Variants in PYGL observed in about 807,000 individuals in gnomAD.
PYGL encodes the protein glycogen phosphorylase, liver form.
Under a neutral mutation model 100.1 loss-of-function variants are expected in PYGL, and 90 were observed. The observed-to-expected ratio is 0.90, with a 90% CI of 0.76 to 1.07. The LOEUF (loss-of-function observed/expected upper bound fraction) is 1.07, where lower values mean the gene tolerates loss of function less well. Ranked by LOEUF, PYGL falls within the 50% of genes least tolerant of loss-of-function variation. The probability of loss-of-function intolerance (pLI) is 0.00; values close to 1 mark genes in which losing one functional copy is unlikely to be tolerated. For missense variants in PYGL, 1,016 were observed against 1,057.6 expected (o/e 0.96, Z 0.55); for synonymous variants, 373 against 393.0 (o/e 0.95, Z 0.60).
At chr14:50,908,784 A>G (rs758874987) in intron 18 of PYGL, 37 bp downstream of exon 18, 3 of 1,533,862 alleles carry the variant, frequency 2.0e-6, no homozygotes, top group African/African-American at 1.4e-5. Flanking sequence ...TCCCCCTTTC[A>G]TGATCCAAAT....
Position 50,915,419 on chromosome 14 carries a change from G to C in PYGL, c.1320C>G (p.Ile440Met). Residue 440 changes from isoleucine to methionine, a missense_variant, in exon 11 of 20, where the codon ATC becomes ATG. Transcript: ENST00000216392. ...CGACAATGCAGAGATGGGCCATGTT[G>C]ATCCTTTTGCTTCCTTCCTCTTCTA... ...SLIEEEGSKR[I>M]NMAHLCIVGS... 1.9e-6 allele frequency: 3 copies of C among 1,614,164 alleles called. No homozygotes were observed. The highest frequency in any genetic ancestry group is 2.5e-6 in the Non-Finnish European group (3 of 1,180,020).
chr14:50,922,500 C>T (rs765234471), intron 5 of PYGL, among the ~76,000 whole-genome samples: 5 of 152,096 alleles, frequency 3.3e-5, no homozygotes, highest in Admixed American at 6.5e-5. Context: ...GATTGAGTCT[C>T]GGTTCAAACA....
intron 3 of PYGL, 107 bp downstream of exon 3, chr14:50,935,000 G>A: frequency 9.9e-7 from 1 of 1,012,326 alleles, no homozygotes; most frequent in Non-Finnish European, 1.6e-6. Context: ...GTCATACCTT[G>A]CGCTTCTTCT....
At chr14:50,914,870 CACACTGG>C in intron 11 of PYGL, 55 bp from the exon 12 acceptor site, 1 of 1,307,608 alleles carries the variant, frequency 7.6e-7, no homozygotes, top group Non-Finnish European at 1.1e-6. Flanking sequence ...AAGGGTCCTG[CACACTGG>C]ACAAAGTTCG....
rs1402967313 is a variant in PYGL, at chr14:50,915,696, C to A, written c.1239+129G>T. On this transcript the variant is annotated intron_variant, in intron 10 of 19. Coordinates refer to ENST00000216392, the MANE Select transcript of PYGL (RefSeq NM_002863.5). ...CAAAAAGCTGCCTTTGTTGGAGCCC[C>A]GTTCGGACTTGAGTACTTTTGCTGT... The A allele has an allele frequency of 1.1e-5, 16 of 1,435,144 alleles. No individual in the cohort carries two copies. In the East Asian group the frequency reaches 3.7e-4, roughly 33 times the overall value. The allele number at this position is 1,435,144 out of a possible 1,614,324, so 88.9% of individuals were successfully genotyped here.
intron 12 of PYGL, among the ~76,000 whole-genome samples, chr14:50,913,679 ATTATTT>A (rs1041229817): frequency 3.3e-5 from 5 of 151,828 alleles, no homozygotes; most frequent in East Asian, 1.9e-4. Context: ...CGGCCTAAAA[ATTATTT>A]TTATTTTTAT....
intron 2 of PYGL, 79 bp from the exon 3 acceptor site, chr14:50,935,264 T>C: frequency 3.5e-6 from 4 of 1,146,544 alleles, no homozygotes; most frequent in Non-Finnish European, 5.2e-6. Flanking sequence ...CCTACAGCTC[T>C]GGGTAAAGGT....
rs758263679 is a variant in PYGL at position 50,944,140 on chromosome 14, C to T, written c.243+21G>A. On this transcript the variant is annotated intron_variant, in intron 1 of 19. Coordinates refer to ENST00000216392, the MANE Select transcript of PYGL (RefSeq NM_002863.5). ...TCCGACTCCGGGCTGGACCCCGGCCCGCCGTCCCGCCCCCGGTTACCTTGG... is the reference window on the plus strand; with the variant it reads ...TCCGACTCCGGGCTGGACCCCGGCCTGCCGTCCCGCCCCCGGTTACCTTGG... 6 of 1,589,560 alleles carry T rather than the reference C, an allele frequency of 3.8e-6. 1 individual carries two copies. The African/African-American group carries it at 5.4e-5, about 14-fold the overall frequency.
In PYGL at chr14:50,915,791, T is replaced by A. The variant is rs369807908; in HGVS notation, c.1239+34A>T. 32 of 1,603,376 alleles carry A rather than the reference T, an allele frequency of 2.0e-5. No individual in the cohort carries two copies. In the African/African-American group the frequency reaches 4.0e-4, roughly 20 times the overall value. On this transcript the variant is annotated intron_variant, in intron 10 of 19. Coordinates refer to ENST00000216392, the MANE Select transcript of PYGL (RefSeq NM_002863.5). ...TCTGTAACACCTTAAGATCTTATGC[T>A]CATGAACAGAGAAAATCTCTCAAAA...
chr14:50,942,081 G>A (rs1001080957), intron 1 of PYGL, among the ~76,000 whole-genome samples: 16 of 152,226 alleles, frequency 1.1e-4, no homozygotes, highest in African/African-American at 3.9e-4. Context: ...GAGCAAGGGA[G>A]GTGGGAGAGG....
intron 11 of PYGL, 149 bp downstream of exon 11, chr14:50,915,187 T>C: frequency 9.8e-7 from 1 of 1,020,928 alleles, no homozygotes; most frequent in Non-Finnish European, 1.5e-6. Context: ...TCTTTTTTTT[T>C]TTTAGGCAAG....
chr14:50,939,043 T>G (rs1450736442), intron 1 of PYGL, among the ~76,000 whole-genome samples: 5 of 152,120 alleles, frequency 3.3e-5, no homozygotes, highest in East Asian at 1.9e-4. Flanking sequence ...TTTATTTATT[T>G]ATTGATGGAT....
chr14:50,915,899 G>A lies in PYGL; in HGVS notation c.1165C>T (p.Pro389Ser). ...AGCAGCTTCTCCACCAGGTCCACGG[G>A]CCAGCGCTCCAGGGCTTCCGGGAGC... ...TVLPEALERW[P>S]VDLVEKLLPR... The change falls in exon 10 of 20, where the codon CCC (proline) becomes TCC (serine). Residue 389 changes from proline to serine, a missense_variant. Coordinates refer to ENST00000216392, the MANE Select transcript of PYGL (RefSeq NM_002863.5). 3.1e-6 allele frequency: 5 copies of A among 1,614,180 alleles called. No homozygotes were observed. The highest frequency in any genetic ancestry group is 2.2e-5 in the East Asian group (1 of 44,888).
rs1384976371 is a variant in PYGL, at chr14:50,937,843, A to C, written c.244-6T>G. Reference sequence around the variant, plus strand: ...AGAGAGAGGTAATATACCCTCTGAAATAAAGAAAAGAGAGATAATGTTTCC... The same window carrying C: ...AGAGAGAGGTAATATACCCTCTGAACTAAAGAAAAGAGAGATAATGTTTCC... On this transcript the variant is annotated splice_region_variant and splice_polypyrimidine_tract_variant and intron_variant, in intron 1 of 19. Transcript: ENST00000216392. The C allele has an allele frequency of 6.3e-7, 1 of 1,598,550 alleles. No homozygotes were observed. Among genetic ancestry groups the C allele is most frequent in the Non-Finnish European group, 8.6e-7 (1 of 1,165,958 alleles).
intron 4 of PYGL, among the ~76,000 whole-genome samples, chr14:50,929,671 T>G (rs1052045600): frequency 6.6e-5 from 10 of 152,222 alleles, no homozygotes; most frequent in Admixed American, 2.0e-4. Context: ...GCGCATGGTA[T>G]CCTTTTCCAA....
intron 3 of PYGL, among the ~76,000 whole-genome samples, chr14:50,932,102 C>T (rs1032016610): frequency 6.6e-6 from 1 of 152,156 alleles, no homozygotes; most frequent in Non-Finnish European, 1.5e-5. Context: ...CAGATAATGT[C>T]GATTATTGTC....
Position 50,919,080 on chromosome 14 carries a change from C to A in PYGL, c.855+1461G>T, listed in dbSNP as rs1428953664. ...ACAAAAACATGATCCTGAGAACTCC[C>A]TTTTACCCAACAAATCTAGTCAATT... On this transcript the variant is annotated intron_variant, in intron 7 of 19. Coordinates refer to ENST00000216392, the MANE Select transcript of PYGL (RefSeq NM_002863.5). 3.3e-5 allele frequency among the ~76,000 whole-genome samples: 5 copies of A among 152,176 alleles called. No individual in the cohort carries two copies. In the East Asian group the frequency reaches 9.6e-4, roughly 29 times the overall value.
At chr14:50,910,593 T>C (rs369796118) in intron 16 of PYGL, among the ~76,000 whole-genome samples, 39 of 152,250 alleles carry the variant, frequency 2.6e-4, no homozygotes, top group African/African-American at 8.2e-4. Flanking sequence ...GTAGCTGCAA[T>C]TACAAGCGAG....
chr14:50,918,875 G>A (rs1352563489), intron 7 of PYGL, among the ~76,000 whole-genome samples: 2 of 152,132 alleles, frequency 1.3e-5, no homozygotes, highest in African/African-American at 4.8e-5. Flanking sequence ...TAATGAATAT[G>A]AGCATAGAGG....
Sources: allele counts gnomAD v4.1 joint callset (sites outside exome capture counted in the v4.1 genomes callset), GRCh38; gene constraint gnomAD v4.1.1; transcripts MANE v1.5; gene names NCBI Gene and HGNC (gene_info 2026-07-23, HGNC 2026-07-21).